The following ANO10 variants were observed in gnomAD, a reference collection of about 807,000 sequenced individuals.
The protein encoded by ANO10 is anoctamin 10.
In ANO10, 77 loss-of-function variants were observed where a neutral mutation model predicts 74.7. The ratio of observed to expected loss-of-function variants is 1.03; its 90% CI spans 0.86 to 1.25. The LOEUF is 1.25. Ranked by LOEUF, ANO10 falls within the 50% of genes most tolerant of loss-of-function variation. ANO10 has a pLI of 0.00. For missense variants in ANO10, 721 were observed against 778.1 expected (o/e 0.93, Z 0.87); for synonymous variants, 279 against 284.9 (o/e 0.98, Z 0.21).
In ANO10 at chr3:43,416,534, AAGG is replaced by A. The variant is rs1216923180; in HGVS notation, c.1914+16074_1914+16076del. On this transcript the variant is annotated intron_variant, in intron 12 of 12. Coordinates refer to ENST00000292246, the MANE Select transcript of ANO10 (RefSeq NM_018075.5). ...ACATGAAACAGAATTCTGAAAGGAA[AAGG>A]AGGAGAAGATGTATTTGTCAACTGA... Among the ~76,000 whole-genome samples the A allele has an allele frequency of 4.6e-5, 7 of 152,360 alleles. No homozygotes were observed. In the East Asian group the frequency reaches 1.2e-3, roughly 25 times the overall value.
chr3:43,627,391 C>T (rs2083502658), intron 1 of ANO10, among the ~76,000 whole-genome samples: 1 of 152,262 alleles, frequency 6.6e-6, no homozygotes, highest in African/African-American at 2.4e-5. Flanking sequence ...GGGTCTGAGG[C>T]CACTGGAGCC....
At chr3:43,393,611 T>C (rs1273877842) in intron 12 of ANO10, among the ~76,000 whole-genome samples, 1 of 152,106 alleles carries the variant, frequency 6.6e-6, no homozygotes, top group Non-Finnish European at 1.5e-5. Context: ...CAACTCTCCA[T>C]AGCCCTCCTC....
chr3:43,384,096 C>T (rs2125702393), intron 12 of ANO10, among the ~76,000 whole-genome samples: 1 of 151,714 alleles, frequency 6.6e-6, no homozygotes, highest in Non-Finnish European at 1.5e-5. Flanking sequence ...TTAATGTACA[C>T]AAATCAGTAG....
chr3:43,480,190 CA>C (rs1222761267), intron 11 of ANO10, among the ~76,000 whole-genome samples: 1 of 151,998 alleles, frequency 6.6e-6, no homozygotes, highest in Non-Finnish European at 1.5e-5. Flanking sequence ...AGAACCCAAA[CA>C]AACAAGGAGA....
At chr3:43,499,755 G>A (rs1575273047) in intron 11 of ANO10, among the ~76,000 whole-genome samples, 2 of 151,462 alleles carry the variant, frequency 1.3e-5, no homozygotes, top group East Asian at 3.9e-4. Flanking sequence ...TCTTTAGATA[G>A]ATTTTTTTTT....
chr3:43,657,347 A>T (rs1278154108), intron 1 of ANO10, among the ~76,000 whole-genome samples: 3 of 152,316 alleles, frequency 2.0e-5, no homozygotes. Context: ...TTCAATTTCC[A>T]TTGGCCCATG....
intron 1 of ANO10, among the ~76,000 whole-genome samples, chr3:43,628,560 A>C (rs1357250089): frequency 6.6e-6 from 1 of 152,214 alleles, no homozygotes; most frequent in Non-Finnish European, 1.5e-5. Flanking sequence ...AAGAGAGATA[A>C]CCTTAAACTC....
chr3:43,444,690 A>G (rs2093215417), intron 11 of ANO10, among the ~76,000 whole-genome samples: 1 of 152,186 alleles, frequency 6.6e-6, no homozygotes, highest in African/African-American at 2.4e-5. Flanking sequence ...TGGCTCTACA[A>G]CAGTGCAAGG....
chr3:43,418,191 C>A (rs567578626), intron 12 of ANO10, among the ~76,000 whole-genome samples: 1 of 152,168 alleles, frequency 6.6e-6, no homozygotes, highest in South Asian at 2.1e-4. Flanking sequence ...GCAGGGGAAT[C>A]GTCTGAAACT....
intron 12 of ANO10, among the ~76,000 whole-genome samples, chr3:43,380,518 G>A (rs2091930088): frequency 6.6e-6 from 1 of 152,192 alleles, no homozygotes; most frequent in East Asian, 1.9e-4. Context: ...CTACAAGCTA[G>A]AAGGGATTGG....
intron 1 of ANO10, among the ~76,000 whole-genome samples, chr3:43,628,632 G>T (rs1050575052): frequency 6.6e-6 from 1 of 152,158 alleles, no homozygotes; most frequent in Non-Finnish European, 1.5e-5. Flanking sequence ...GCAAATGGAA[G>T]AAATATCCCT....
intron 11 of ANO10, among the ~76,000 whole-genome samples, chr3:43,447,833 T>G (rs1260699433): frequency 6.6e-6 from 1 of 152,248 alleles, no homozygotes; most frequent in Admixed American, 6.5e-5. Flanking sequence ...CTACAATTGA[T>G]GTACCAATAC....
At chr3:43,469,869 C>A (rs551736510) in intron 11 of ANO10, among the ~76,000 whole-genome samples, 1 of 152,150 alleles carries the variant, frequency 6.6e-6, no homozygotes, top group Non-Finnish European at 1.5e-5. Context: ...GGAAGCTCCA[C>A]GAGGCAAGGA....
At chr3:43,406,519 G>A (rs995132223) in intron 12 of ANO10, among the ~76,000 whole-genome samples, 1 of 151,892 alleles carries the variant, frequency 6.6e-6, no homozygotes, top group African/African-American at 2.4e-5. Flanking sequence ...TTCTGCTAAA[G>A]TATGAGCACA....
intron 11 of ANO10, among the ~76,000 whole-genome samples, chr3:43,546,829 T>C (rs1055177540): frequency 5.3e-5 from 8 of 152,052 alleles, no homozygotes; most frequent in African/African-American, 1.9e-4. Context: ...CCAAGATTCA[T>C]ATGAAAATCC....
At chr3:43,555,506 A>G (rs4682893) in intron 9 of ANO10, 37 bp from the exon 10 acceptor site, 61 of 1,590,484 alleles carry the variant, frequency 3.8e-5, no homozygotes, top group Non-Finnish European at 5.1e-5. Flanking sequence ...TTTTAATATC[A>G]TACAATAGGA....
intron 4 of ANO10, among the ~76,000 whole-genome samples, chr3:43,597,267 TACCCG>T (rs1387475132): frequency 6.6e-6 from 1 of 152,200 alleles, no homozygotes; most frequent in Non-Finnish European, 1.5e-5. Context: ...ACTAGGTATA[TACCCG>T]AAGGATTATA....
At chr3:43,612,309 T>A (rs1000995216) in intron 1 of ANO10, among the ~76,000 whole-genome samples, 2 of 151,670 alleles carry the variant, frequency 1.3e-5, no homozygotes, top group African/African-American at 4.8e-5. Flanking sequence ...GTCTCTAGTT[T>A]TGTCTTCTAA....
intron 1 of ANO10, among the ~76,000 whole-genome samples, chr3:43,683,417 A>G (rs1254572232): frequency 1.3e-5 from 2 of 152,214 alleles, no homozygotes; most frequent in Non-Finnish European, 2.9e-5. Flanking sequence ...CCACTGCTCA[A>G]TGAAACAAAA....
Sources: gnomAD v4.1 joint callset for allele counts (sites outside exome capture counted in the v4.1 genomes callset) on GRCh38, gnomAD v4.1.1 for gene constraint, MANE v1.5 for transcripts, NCBI Gene and HGNC (gene_info 2026-07-23, HGNC 2026-07-21) for gene names.